ANK2: variants seen among roughly 807,000 people sequenced by gnomAD.
ANK2 encodes ankyrin 2.
Under a neutral mutation model 360.5 loss-of-function variants are expected in ANK2, and 83 were observed. The ratio of observed to expected loss-of-function variants is 0.23; its 90% confidence interval spans 0.19 to 0.28. ANK2 has a LOEUF of 0.28. Ranked by LOEUF, ANK2 falls within the 10% of genes least tolerant of loss-of-function variation. The pLI is 1.00. For missense variants in ANK2, 4,201 were observed against 4,795.7 expected (o/e 0.88, Z 3.66); for synonymous variants, 1,740 against 1,759.5 (o/e 0.99, Z 0.28).
chr4:112,734,853 A>C, the ANK2 span, among the ~76,000 whole-genome samples: 1 of 152,186 alleles, frequency 6.6e-6, no homozygotes, highest in Non-Finnish European at 1.5e-5. Flanking sequence ...GTGTGTAGGA[A>C]GTAATCTGGG....
intron 2 of ANK2, among the ~76,000 whole-genome samples, chr4:113,191,495 A>T (rs762491472): frequency 1.3e-5 from 2 of 152,194 alleles, no homozygotes; most frequent in Non-Finnish European, 1.5e-5. Context: ...CAAAATACTT[A>T]AAAAAATACA....
At chr4:113,149,267 A>T (rs769875903) in intron 1 of ANK2, 2 of 152,174 alleles carry the variant, frequency 1.3e-5, no homozygotes, top group Non-Finnish European at 2.9e-5. Context: ...TTGGGAGATT[A>T]TAAAAGAAAT....
At chr4:113,335,089 A>G (rs2093318219) in intron 29 of ANK2, among the ~76,000 whole-genome samples, 1 of 152,142 alleles carries the variant, frequency 6.6e-6, no homozygotes, top group Non-Finnish European at 1.5e-5. Context: ...AAATTCAGTG[A>G]TCTATATAGT....
At chr4:113,255,985 C>G (rs2049084102) in intron 11 of ANK2, 53 bp downstream of exon 11, 1 of 1,575,602 alleles carries the variant, frequency 6.3e-7, no homozygotes, top group Non-Finnish European at 8.7e-7. Flanking sequence ...CAAACAAACC[C>G]ACATTCATTG....
intron 4 of ANK2, among the ~76,000 whole-genome samples, chr4:113,207,402 A>T (rs2098964787): frequency 6.6e-6 from 1 of 152,174 alleles, no homozygotes; most frequent in Admixed American, 6.5e-5. Context: ...AAGGAACTAA[A>T]TTTGTAGTCA....
At chr4:113,250,698 G>A (rs1462524454) in intron 10 of ANK2, among the ~76,000 whole-genome samples, 1 of 144,266 alleles carries the variant, frequency 6.9e-6, no homozygotes, top group East Asian at 2.1e-4. Flanking sequence ...ACAACACAAA[G>A]TTAGACAAAG....
At chr4:113,338,543 CTTTTTTTTTT>C (rs71582166) in intron 31 of ANK2, among the ~76,000 whole-genome samples, 10 of 96,110 alleles carry the variant, frequency 1.0e-4, no homozygotes, top group South Asian at 3.4e-4. Context: ...AGATTGTTCA[CTTTTTTTTTT>C]TTTTTTTTTT....
intron 13 of ANK2, among the ~76,000 whole-genome samples, chr4:113,262,966 G>A (rs963755055): frequency 7.3e-5 from 11 of 151,616 alleles, no homozygotes; most frequent in Non-Finnish European, 1.6e-4. Context: ...GAGGCGGGTG[G>A]ATCACTAGGT....
chr4:113,208,323 G>A (rs1173912830), intron 4 of ANK2, among the ~76,000 whole-genome samples: 2 of 152,038 alleles, frequency 1.3e-5, no homozygotes, highest in East Asian at 3.9e-4. Context: ...CTGGATGATG[G>A]AGAAAAGGGG....
At chr4:113,189,298 C>T (rs960899527) in intron 2 of ANK2, among the ~76,000 whole-genome samples, 3 of 152,172 alleles carry the variant, frequency 2.0e-5, no homozygotes, top group African/African-American at 2.4e-5. Flanking sequence ...AATGCTCCCT[C>T]CTCTCTCTTC....
chr4:112,713,314 A>G, the ANK2 span, among the ~76,000 whole-genome samples: 14 of 152,062 alleles, frequency 9.2e-5, no homozygotes, highest in Non-Finnish European at 4.4e-5. Context: ...TGAAGTTGCT[A>G]TATAAAACAC....
chr4:113,106,404 T>C (rs959560140), intron 1 of ANK2, among the ~76,000 whole-genome samples: 7 of 152,184 alleles, frequency 4.6e-5, no homozygotes, highest in Admixed American at 3.9e-4. Context: ...GGAAGTGAGA[T>C]ACACTCTCTG....
At chr4:113,073,412 A>G (rs1265266489) in intron 1 of ANK2, among the ~76,000 whole-genome samples, 3 of 152,182 alleles carry the variant, frequency 2.0e-5, no homozygotes, top group Non-Finnish European at 2.9e-5. Context: ...AGAACACTAG[A>G]ATAGAGAATA....
intron 1 of ANK2, among the ~76,000 whole-genome samples, chr4:113,055,719 A>G (rs1427786667): frequency 6.6e-6 from 1 of 152,200 alleles, no homozygotes; most frequent in Non-Finnish European, 1.5e-5. Context: ...TAGATGAGAA[A>G]CTGGAGACTC....
intron 1 of ANK2, among the ~76,000 whole-genome samples, chr4:112,825,029 G>T (rs1020100597): frequency 7.9e-5 from 12 of 152,318 alleles, no homozygotes; most frequent in African/African-American, 2.6e-4. Flanking sequence ...ATGAGTTCAT[G>T]TCCTTTGTAG....
At chr4:113,030,929 T>A (rs141044562) in intron 2 of ANK2, among the ~76,000 whole-genome samples, 83 of 152,010 alleles carry the variant, frequency 5.5e-4, no homozygotes, top group African/African-American at 1.9e-3. Flanking sequence ...TATATTGAGA[T>A]GGAAGAAAAA....
chr4:112,936,771 T>A (rs1273423758), intron 2 of ANK2, among the ~76,000 whole-genome samples: 1 of 151,958 alleles, frequency 6.6e-6, no homozygotes, highest in Non-Finnish European at 1.5e-5. Context: ...ACCAATAAAG[T>A]TTATTTATAA....
chr4:113,281,492 T>G (rs1346781818), intron 17 of ANK2, among the ~76,000 whole-genome samples: 5 of 151,826 alleles, frequency 3.3e-5, no homozygotes, highest in African/African-American at 4.8e-5. Flanking sequence ...GTGACTGAGA[T>G]GGCACCACTG....
At chr4:112,812,619 TGGA>T in the ANK2 span, among the ~76,000 whole-genome samples, 1 of 152,200 alleles carries the variant, frequency 6.6e-6, no homozygotes, top group African/African-American at 2.4e-5. Flanking sequence ...TGATGCTAAG[TGGA>T]GTAGAAACCA....
Sources: gnomAD v4.1 joint callset for allele counts (sites outside exome capture counted in the v4.1 genomes callset) on GRCh38, gnomAD v4.1.1 for gene constraint, MANE v1.5 for transcripts, NCBI Gene and HGNC (gene_info 2026-07-23, HGNC 2026-07-21) for gene names.